GLP1R: variants seen among roughly 807,000 people sequenced by gnomAD.
GLP1R encodes glucagon-like peptide 1 receptor.
GLP1R carries 32 observed loss-of-function variants against 68.4 expected under a neutral mutation model. The ratio of observed to expected loss-of-function variants is 0.47; its 90% CI spans 0.35 to 0.63. The LOEUF (loss-of-function observed/expected upper bound fraction) is 0.63. GLP1R is among the 20% of genes least tolerant of loss of function. The pLI, the probability that GLP1R is intolerant of heterozygous loss-of-function variation, is 0.00. For synonymous variants in GLP1R, 263 were observed against 244.4 expected (o/e 1.08, Z -0.71); for missense variants, 502 against 594.9 (o/e 0.84, Z 1.62).
intron 8 of GLP1R, 61 bp from the exon 9 acceptor site, chr6:39,078,896 C>T (rs1341016825): frequency 7.7e-6 from 11 of 1,436,824 alleles, no homozygotes; most frequent in African/African-American, 2.8e-5. Context: ...TGTGCCTGCA[C>T]CTGAGCTGGG....
intron 5 of GLP1R, among the ~76,000 whole-genome samples, chr6:39,066,549 G>T (rs10305462): frequency 9.2e-5 from 14 of 152,184 alleles, no homozygotes; most frequent in African/African-American, 3.4e-4. Context: ...AAAATACCAC[G>T]CAAGCACCAC....
intron 12 of GLP1R, among the ~76,000 whole-genome samples, chr6:39,082,994 C>T (rs1037659897): frequency 1.2e-4 from 18 of 152,178 alleles, no homozygotes; most frequent in African/African-American, 4.3e-4. Flanking sequence ...AGATTCCATC[C>T]TTCCAAGCCT....
At chr6:39,054,692 C>T (rs1768169771) in intron 1 of GLP1R, among the ~76,000 whole-genome samples, 1 of 152,172 alleles carries the variant, frequency 6.6e-6, no homozygotes, top group Non-Finnish European at 1.5e-5. Flanking sequence ...GCCCCAGTTC[C>T]CAGCAGTGAC....
chr6:39,070,602 C>T (rs1394775180), intron 5 of GLP1R, among the ~76,000 whole-genome samples: 1 of 152,206 alleles, frequency 6.6e-6, no homozygotes, highest in South Asian at 2.1e-4. Context: ...TTTGTCTAGC[C>T]TTCTCACCAA....
Position 39,056,488 on chromosome 6 carries a change from C to T in GLP1R, c.170C>T (p.Ala57Val). The T allele has an allele frequency of 1.9e-6, 3 of 1,566,518 alleles. No individual in the cohort carries two copies. Among genetic ancestry groups the T allele is most frequent in the Non-Finnish European group, 2.6e-6 (3 of 1,136,646 alleles). The change falls in exon 2 of 13, where the codon GCC (alanine) becomes GTC (valine). Residue 57 changes from alanine to valine, a missense_variant. Ala to Val is a moderately conservative substitution (Grantham distance 64). Transcript: ENST00000373256. ...QRSLTEDPPP[A>V]TDLFCNRTFD... ...TCCCTGACTGAGGATCCACCTCCTGCCACAGGTGAGTCCATGTAGGCTCCC... is the reference window on the plus strand; with the variant it reads ...TCCCTGACTGAGGATCCACCTCCTGTCACAGGTGAGTCCATGTAGGCTCCC...
chr6:39,090,636 CT>C lies in GLP1R; in HGVS notation c.*4564del, dbSNP rs1769258956. 6.6e-6 allele frequency among the ~76,000 whole-genome samples: 1 copy of C among 152,178 alleles called. No individual in the cohort carries two copies. Among genetic ancestry groups the C allele is most frequent in the Non-Finnish European group, 1.5e-5 (1 of 68,044 alleles). On this transcript the variant is annotated 3_prime_UTR_variant, in exon 13 of 13. Transcript: ENST00000373256. ...AGCAGGGCAGCCACCAGCTTGGATCCTAACTTACATTGGGTGGTGCAACCTT... is the reference window on the plus strand; with the variant it reads ...AGCAGGGCAGCCACCAGCTTGGATCCAACTTACATTGGGTGGTGCAACCTT...
chr6:39,057,490 C>A lies in GLP1R; in HGVS notation c.194C>A (p.Thr65Asn). 6.2e-7 allele frequency: 1 copy of A among 1,612,572 alleles called. No homozygotes were observed. Among genetic ancestry groups the A allele is most frequent in the Non-Finnish European group, 8.5e-7 (1 of 1,178,662 alleles). The change falls in exon 3 of 13, where the codon ACC becomes AAC. Residue 65 changes from threonine (T) to asparagine (N), a missense_variant. By Grantham distance (65) the Thr-to-Asn change is moderately conservative. Coordinates refer to ENST00000373256, the MANE Select transcript of GLP1R (RefSeq NM_002062.5). ...PPATDLFCNR[T>N]FDEYACWPDG... ...CTCCCAGACTTGTTCTGCAACCGGACCTTCGATGAATACGCCTGCTGGCCA... is the reference window on the plus strand; with the variant it reads ...CTCCCAGACTTGTTCTGCAACCGGAACTTCGATGAATACGCCTGCTGGCCA...
At chr6:39,060,354 C>A (rs1449389990) in intron 3 of GLP1R, among the ~76,000 whole-genome samples, 1 of 152,086 alleles carries the variant, frequency 6.6e-6, no homozygotes, top group African/African-American at 2.4e-5. Flanking sequence ...GCTCAGTTGG[C>A]AATTTGGAGA....
chr6:39,066,570 A>G (rs1768525723), intron 5 of GLP1R, among the ~76,000 whole-genome samples: 2 of 152,328 alleles, frequency 1.3e-5, no homozygotes, highest in South Asian at 4.1e-4. Context: ...CAACCTCAAA[A>G]CCTTAACCGT....
chr6:39,085,943 G>C lies in GLP1R; in HGVS notation c.1262G>C (p.Arg421Pro), dbSNP rs10305510. The change falls in exon 13 of 13, where the codon CGG becomes CCG. Residue 421 changes from arginine to proline, a missense_variant. Coordinates refer to ENST00000373256, the MANE Select transcript of GLP1R (RefSeq NM_002062.5). ...TTTCGGAAGAGCTGGGAGCGCTGGC[G>C]GCTTGAGCACTTGCACATCCAGAGG... ...LEFRKSWERW[R>P]LEHLHIQRDS... is the part of the protein sequence containing the mutation. 9 of 1,613,846 alleles carry C rather than the reference G, an allele frequency of 5.6e-6. No homozygotes were observed. In the Admixed American group the frequency reaches 1.5e-4, roughly 27 times the overall value.
intron 7 of GLP1R, 68 bp downstream of exon 7, chr6:39,073,837 C>T (rs1388961724): frequency 6.9e-7 from 1 of 1,439,122 alleles, no homozygotes; most frequent in East Asian, 2.3e-5. Flanking sequence ...CCTCTTCTAA[C>T]ATGGTACTTG....
chr6:39,052,902 C>A (rs888471142), intron 1 of GLP1R, among the ~76,000 whole-genome samples: 1 of 152,220 alleles, frequency 6.6e-6, no homozygotes, highest in Admixed American at 6.5e-5. Flanking sequence ...TTATAAATCG[C>A]TGTCCAGTGC....
chr6:39,051,040 A>G (rs935997457), intron 1 of GLP1R, among the ~76,000 whole-genome samples: 2 of 152,096 alleles, frequency 1.3e-5, no homozygotes, highest in African/African-American at 2.4e-5. Context: ...CTACTCTTTC[A>G]TTGCTGCTGG....
intron 7 of GLP1R, among the ~76,000 whole-genome samples, chr6:39,074,629 G>T (rs567823930): frequency 4.0e-5 from 6 of 151,674 alleles, no homozygotes; most frequent in Non-Finnish European, 8.8e-5. Flanking sequence ...TCCTTCATGC[G>T]CCCACCTCAC....
At position 39,079,619 on chromosome 6, in the gene GLP1R, T is replaced by C. The variant is rs754650010; in HGVS notation, c.1099T>C (p.Phe367Leu). 6.2e-7 allele frequency: 1 copy of C among 1,611,588 alleles called. No individual in the cohort carries two copies. The highest frequency in any genetic ancestry group is 1.7e-5 in the Admixed American group (1 of 59,426). ...CCTGCTGGGGACTCATGAGGTCATC[T>C]TTGCCTTTGTGATGGACGAGCACGC... ...IPLLGTHEVI[F>L]AFVMDEHARG... Residue 367 changes from phenylalanine to leucine, a missense_variant, in exon 11 of 13, where the codon TTT becomes CTT. Transcript: ENST00000373256. This position sits in a 1 kb window ranked among gnomAD's most constrained non-coding sequence, Gnocchi z 4.5.
At position 39,073,518 on chromosome 6, in the gene GLP1R, G is replaced by A. The variant is rs1768728578; in HGVS notation, c.664-92G>A. The stretch of plus-strand genomic sequence containing the variant: ...GCTCTCTCCTCCTGCATTAACCATG[G>A]CAGGATAGTGGCTGGAGCAGGACGG... On this transcript the variant is annotated intron_variant, in intron 6 of 12. Coordinates refer to ENST00000373256, the MANE Select transcript of GLP1R (RefSeq NM_002062.5). 3 of 1,104,232 alleles carry A rather than the reference G, an allele frequency of 2.7e-6. No individual in the cohort carries two copies. In the African/African-American group the frequency reaches 4.6e-5, roughly 17 times the overall value. The allele number at this position is 1,104,232 out of a possible 1,614,324, so 68.4% of individuals were successfully genotyped here. A position where few individuals can be genotyped will look rare whatever the true frequency, so the allele number is the denominator to read the frequency against.
chr6:39,079,181 A>C lies in GLP1R; in HGVS notation c.1024A>C (p.Lys342Gln), dbSNP rs747487240. 1.2e-6 allele frequency: 2 copies of C among 1,613,078 alleles called. No individual in the cohort carries two copies. Among genetic ancestry groups the C allele is most frequent in the Non-Finnish European group, 1.7e-6 (2 of 1,179,042 alleles). The change falls in exon 10 of 13, where the codon AAG becomes CAG. Residue 342 changes from lysine to glutamine, a missense_variant. Physicochemically the swap from Lys to Gln is moderately conservative, Grantham distance 53 (BLOSUM62 1). Transcript: ENST00000373256. The surrounding 1 kb of genome is among the most constrained non-coding windows in gnomAD (Gnocchi z 4.5). Reference protein sequence around the residue: ...VSKLKANLMCKTDIKCRLAKS... With the variant: ...VSKLKANLMCQTDIKCRLAKS... Reference sequence around the variant, plus strand: ...CAAACTGAAGGCCAATCTCATGTGCAAGACAGACATCAAATGCAGGTGATG... The same window carrying C: ...CAAACTGAAGGCCAATCTCATGTGCCAGACAGACATCAAATGCAGGTGATG...
chr6:39,075,709 C>T (rs1486457588), intron 7 of GLP1R, among the ~76,000 whole-genome samples: 1 of 152,208 alleles, frequency 6.6e-6, no homozygotes, highest in African/African-American at 2.4e-5. Flanking sequence ...AGGCCTTGCC[C>T]AAGCTGGGAT....
chr6:39,077,835 C>A (rs1356423877), intron 7 of GLP1R, among the ~76,000 whole-genome samples: 1 of 152,188 alleles, frequency 6.6e-6, no homozygotes, highest in Non-Finnish European at 1.5e-5. Context: ...CTGCCGAGCC[C>A]TCTTGAAGGT....
Sources: gnomAD v4.1 joint callset for allele counts (sites outside exome capture counted in the v4.1 genomes callset) on GRCh38, gnomAD v4.1.1 for gene constraint, Gnocchi (gnomAD v3.1) non-coding constraint, MANE v1.5 for transcripts, NCBI Gene and HGNC (gene_info 2026-07-23, HGNC 2026-07-21) for gene names.